Variants in DLG2 observed in about 807,000 individuals in gnomAD.
The protein encoded by DLG2 is discs large MAGUK scaffold protein 2.
Under a neutral mutation model 132.5 loss-of-function variants are expected in DLG2, and 45 were observed. The ratio of observed to expected loss-of-function variants is 0.34; its 90% CI spans 0.27 to 0.44. The LOEUF is 0.44. DLG2 is among the 20% of genes least tolerant of loss of function. The probability of loss-of-function intolerance (pLI) is 1.00; values close to 1 mark genes in which losing one functional copy is unlikely to be tolerated. For missense variants in DLG2, 1,045 were observed against 1,196.9 expected (o/e 0.87, Z 1.87); for synonymous variants, 424 against 419.6 (o/e 1.01, Z -0.13).
chr11:84,577,213 T>C (rs573217989), intron 6 of DLG2, among the ~76,000 whole-genome samples: 6 of 152,324 alleles, frequency 3.9e-5, no homozygotes, highest in Admixed American at 1.3e-4. Flanking sequence ...GTTTGGGGTA[T>C]GTCTTTATCA....
intron 6 of DLG2, among the ~76,000 whole-genome samples, chr11:84,848,333 A>C (rs1353810158): frequency 6.6e-6 from 1 of 151,962 alleles, no homozygotes; most frequent in African/African-American, 2.4e-5. Context: ...ATCTCTACTA[A>C]AAATACAAAA....
intron 15 of DLG2, among the ~76,000 whole-genome samples, chr11:83,906,553 G>T (rs570763336): frequency 2.0e-5 from 3 of 152,200 alleles, no homozygotes; most frequent in Non-Finnish European, 4.4e-5. Context: ...AGAGTAGTGT[G>T]ATGTGGGTAG....
chr11:84,054,668 A>G (rs2096465381), intron 11 of DLG2, among the ~76,000 whole-genome samples: 1 of 152,092 alleles, frequency 6.6e-6, no homozygotes, highest in Admixed American at 6.6e-5. Context: ...TGCTATAAAG[A>G]CAAAATCACA....
chr11:84,207,079 C>CCCTA (rs1555422003), intron 8 of DLG2, among the ~76,000 whole-genome samples: 4 of 99,332 alleles, frequency 4.0e-5, no homozygotes, highest in Admixed American at 1.1e-4. Flanking sequence ...CTCTCTCTCT[C>CCCTA]TCTATATATA....
intron 18 of DLG2, among the ~76,000 whole-genome samples, chr11:83,736,245 T>G (rs2091876181): frequency 6.6e-6 from 1 of 152,162 alleles, no homozygotes; most frequent in African/African-American, 2.4e-5. Context: ...TTAAACTGAT[T>G]GGTCATGTGT....
chr11:84,744,205 A>G (rs1242476861), intron 6 of DLG2, among the ~76,000 whole-genome samples: 1 of 152,222 alleles, frequency 6.6e-6, no homozygotes, highest in Non-Finnish European at 1.5e-5. Flanking sequence ...GGGATCTTCA[A>G]TGAGCTACTA....
chr11:84,630,940 C>T (rs1007612517), intron 6 of DLG2, among the ~76,000 whole-genome samples: 2 of 145,146 alleles, frequency 1.4e-5, no homozygotes, highest in African/African-American at 5.1e-5. Flanking sequence ...AATATGACGC[C>T]AATTCTATGA....
At chr11:84,950,033 T>C (rs2050721836) in intron 6 of DLG2, among the ~76,000 whole-genome samples, 2 of 152,214 alleles carry the variant, frequency 1.3e-5, no homozygotes, top group South Asian at 4.1e-4. Context: ...TCCACGTTCT[T>C]CTGCCATGGC....
chr11:83,869,960 T>A (rs181515546), intron 16 of DLG2, among the ~76,000 whole-genome samples: 3 of 152,224 alleles, frequency 2.0e-5, no homozygotes, highest in Admixed American at 2.0e-4. Context: ...AAGATACTTC[T>A]TACTCTTAGC....
intron 18 of DLG2, among the ~76,000 whole-genome samples, chr11:83,737,692 G>A (rs1038991999): frequency 2.2e-4 from 34 of 152,156 alleles, no homozygotes; most frequent in Non-Finnish European, 1.0e-4. Context: ...GGTGGCTCAC[G>A]CCTGTAATCC....
chr11:85,587,833 C>T (rs76723636), intron 3 of DLG2, among the ~76,000 whole-genome samples: 5,517 of 152,146 alleles, frequency 0.036, 154 homozygotes, highest in Admixed American at 0.053. Flanking sequence ...TGGTGTATTT[C>T]GAGGTTTTGT....
chr11:84,172,274 C>T (rs1317579282), intron 8 of DLG2, among the ~76,000 whole-genome samples: 1 of 152,060 alleles, frequency 6.6e-6, no homozygotes, highest in Non-Finnish European at 1.5e-5. Flanking sequence ...CATCATAGTT[C>T]ATTATTCCTT....
At chr11:83,587,973 C>T (rs2097119378) in intron 19 of DLG2, among the ~76,000 whole-genome samples, 1 of 152,216 alleles carries the variant, frequency 6.6e-6, no homozygotes, top group Non-Finnish European at 1.5e-5. Context: ...ATATCCCGCA[C>T]CTGGCTCAGA....
At chr11:84,930,833 A>G (rs2047999876) in intron 6 of DLG2, among the ~76,000 whole-genome samples, 2 of 152,116 alleles carry the variant, frequency 1.3e-5, no homozygotes, top group South Asian at 4.1e-4. Flanking sequence ...ACTTCCTCTA[A>G]TCACAGTTCC....
chr11:85,054,333 C>A (rs1235060878), intron 6 of DLG2, among the ~76,000 whole-genome samples: 2 of 151,554 alleles, frequency 1.3e-5, no homozygotes, highest in Non-Finnish European at 1.5e-5. Flanking sequence ...CTATCTCATA[C>A]CAGTCAGAAT....
At chr11:84,299,478 C>T (rs1041743329) in intron 7 of DLG2, among the ~76,000 whole-genome samples, 8 of 152,154 alleles carry the variant, frequency 5.3e-5, no homozygotes, top group African/African-American at 1.9e-4. Context: ...TTGATTAATT[C>T]ATGAGGGCCC....
At chr11:85,543,868 C>A (rs1046656146) in intron 3 of DLG2, among the ~76,000 whole-genome samples, 1 of 151,366 alleles carries the variant, frequency 6.6e-6, no homozygotes, top group South Asian at 2.1e-4. Context: ...TGTTTAAGTT[C>A]TTTGTAGATT....
chr11:83,559,862 A>G lies in DLG2; in HGVS notation c.1941-18004T>C, dbSNP rs941204802. On this transcript the variant is annotated intron_variant, in intron 19 of 27. Coordinates refer to ENST00000376104, the MANE Select transcript of DLG2 (RefSeq NM_001142699.3). ...AAAGACCAAACCCTAAGAATGGCAG[A>G]TAAGGGTACTGGAAGGAACCTGGAG... Among the ~76,000 whole-genome samples the G allele has an allele frequency of 3.3e-5, 5 of 152,200 alleles. No homozygotes were observed. The South Asian group carries it at 8.3e-4, about 25-fold the overall frequency.
rs559754240 is a variant in DLG2 at position 84,485,655 on chromosome 11, C to A, written c.519+48915G>T. 2.6e-5 allele frequency among the ~76,000 whole-genome samples: 4 copies of A among 152,248 alleles called. No individual in the cohort carries two copies. In the South Asian group the frequency reaches 8.3e-4, roughly 32 times the overall value. On this transcript the variant is annotated intron_variant, in intron 7 of 27. Transcript: ENST00000376104. ...TTCGGTGCCATCTGGTTCCTCCAAA[C>A]TTGATAAAGGTTTTGTGAGAAGTAA... is the stretch of plus-strand genomic sequence containing the variant.
Sources: gnomAD v4.1 joint callset for allele counts (sites outside exome capture counted in the v4.1 genomes callset) on GRCh38, gnomAD v4.1.1 for gene constraint, MANE v1.5 for transcripts, NCBI Gene and HGNC (gene_info 2026-07-23, HGNC 2026-07-21) for gene names.